Variants in CDH19 observed in about 807,000 individuals in gnomAD.
CDH19 encodes the protein cadherin 19.
A neutral mutation model predicts 64.2 loss-of-function variants in CDH19; 67 were observed. That is an observed-to-expected ratio of 1.04 (90% CI 0.86 to 1.28). The LOEUF is 1.28. Among genes scored for constraint, CDH19 ranks in the 50% most tolerant of loss-of-function variants. The probability of loss-of-function intolerance (pLI) is 0.00; values close to 1 mark genes in which losing one functional copy is unlikely to be tolerated. For missense variants in CDH19, 1,030 were observed against 929.0 expected, an observed-to-expected ratio of 1.11 and a Z score of -1.41; for synonymous variants, 346 against 319.3, an observed-to-expected ratio of 1.08 and a Z score of -0.89.
rs769856415 is a variant in CDH19, at chr18:66,509,164, G to T, written c.1659C>A (p.Ala553=). 6.2e-7 allele frequency: 1 copy of T among 1,612,714 alleles called. No homozygotes were observed. The highest frequency in any genetic ancestry group is 8.5e-7 in the Non-Finnish European group (1 of 1,179,138). The change falls in exon 11 of 12, where the codon GCC becomes GCA. Residue 553 remains alanine, a synonymous_variant. Coordinates refer to ENST00000262150, the MANE Select transcript of CDH19 (RefSeq NM_021153.4). ...TTGTAAGTGACGGGATTCCATTGTCGGCAATTAAGATGGAGATGTAGAAGA... is the reference window on the plus strand; with the variant it reads ...TTGTAAGTGACGGGATTCCATTGTCTGCAATTAAGATGGAGATGTAGAAGA... ...EPVFYISILI[A]DNGIPSLTST... is the part of the protein sequence containing the mutation.
intron 3 of CDH19, among the ~76,000 whole-genome samples, chr18:66,556,148 T>A (rs141368485): frequency 0.02 from 2,984 of 151,676 alleles, 106 homozygotes; most frequent in African/African-American, 0.068. Flanking sequence ...GCTTTTTCTA[T>A]AAAATAAATT....
At chr18:66,546,202 G>A (rs1163161363) in intron 5 of CDH19, among the ~76,000 whole-genome samples, 1 of 152,102 alleles carries the variant, frequency 6.6e-6, no homozygotes, top group African/African-American at 2.4e-5. Flanking sequence ...TCACTTCAAA[G>A]ATTGCATTTG....
chr18:66,517,588 T>C (rs1985793281), intron 9 of CDH19, among the ~76,000 whole-genome samples: 2 of 151,990 alleles, frequency 1.3e-5, no homozygotes, highest in South Asian at 2.1e-4. Context: ...GAGTAAATGT[T>C]TGGATTCCTC....
rs497894 is a variant in CDH19, at chr18:66,554,136, G to C, written c.610+269C>G. Among the ~76,000 whole-genome samples, 296 of 151,894 alleles carry C rather than the reference G, an allele frequency of 1.9e-3. 1 individual carries two copies. Among genetic ancestry groups the C allele is most frequent in the African/African-American group, 6.7e-3 (280 of 41,496 alleles). The stretch of plus-strand genomic sequence containing the variant: ...TTTCCCTATATTTTTAAATTGGGTT[G>C]CTGGTCTCTTTTTCTAATTCATTTA... On this transcript the variant is annotated intron_variant, in intron 4 of 11. Coordinates refer to ENST00000262150, the MANE Select transcript of CDH19 (RefSeq NM_021153.4).
intron 5 of CDH19, among the ~76,000 whole-genome samples, chr18:66,546,154 A>G (rs1194203039): frequency 6.6e-6 from 1 of 152,130 alleles, no homozygotes; most frequent in African/African-American, 2.4e-5. Context: ...TCTTCTTTAA[A>G]GGGATTCCTA....
chr18:66,531,427 A>G (rs1041963667), intron 8 of CDH19, among the ~76,000 whole-genome samples: 1 of 152,090 alleles, frequency 6.6e-6, no homozygotes, highest in Non-Finnish European at 1.5e-5. Flanking sequence ...GAGCAGCCTG[A>G]GCAATATAGT....
In CDH19 at chr18:66,502,836, TA is replaced by T. The variant is rs1263942457; in HGVS notation, c.*1975del. The T allele has an allele frequency of 2.0e-5, 3 of 152,056 alleles. No homozygotes were observed. 9.4% of individuals were successfully genotyped at this position (152,056 alleles called of 1,614,324 possible). On this transcript the variant is annotated 3_prime_UTR_variant, in exon 12 of 12. Coordinates refer to ENST00000262150, the MANE Select transcript of CDH19 (RefSeq NM_021153.4). ...CTCTCATCCACTTTTAATATCTTCC[TA>T]AATTATTTCACTTCAAATCTGGTTT...
intron 9 of CDH19, among the ~76,000 whole-genome samples, chr18:66,518,800 A>C (rs977016062): frequency 6.6e-5 from 10 of 152,174 alleles, no homozygotes; most frequent in African/African-American, 2.4e-4. Flanking sequence ...ATTATTAAGC[A>C]TAATTGTTTT....
intron 1 of CDH19, among the ~76,000 whole-genome samples, chr18:66,602,888 C>A (rs890096339): frequency 2.0e-4 from 30 of 151,150 alleles, no homozygotes; most frequent in Non-Finnish European, 4.0e-4. Context: ...TCTTTGAAAT[C>A]AAAAATTATA....
rs772008076 is a variant in CDH19 at position 66,544,766 on chromosome 18, T to C, written c.913A>G (p.Ile305Val). The change falls in exon 6 of 12, where the codon ATT becomes GTT. Residue 305 changes from isoleucine to valine, a missense_variant. Transcript: ENST00000262150. ...IEEDDSQTFD[I>V]ITNHETQEGI... ...TCTTGAGTTTCATGATTAGTAATAA[T>C]GTCAAATGTTTGCGAATCATCCTCT... 7 of 1,611,766 alleles carry C rather than the reference T, an allele frequency of 4.3e-6. No individual in the cohort carries two copies. The highest frequency in any genetic ancestry group is 4.0e-5 in the African/African-American group (3 of 74,900).
At chr18:66,584,061 A>G (rs1468804934) in intron 1 of CDH19, among the ~76,000 whole-genome samples, 1 of 152,114 alleles carries the variant, frequency 6.6e-6, no homozygotes, top group East Asian at 1.9e-4. Flanking sequence ...CAGACTAAAC[A>G]GGAAAACTAC....
chr18:66,572,584 T>C (rs1988140691), intron 1 of CDH19, among the ~76,000 whole-genome samples: 1 of 151,760 alleles, frequency 6.6e-6, no homozygotes, highest in African/African-American at 2.4e-5. Flanking sequence ...GGGAGTCTCC[T>C]GGATTGACAG....
At chr18:66,558,370 T>C (rs1225616675) in intron 3 of CDH19, among the ~76,000 whole-genome samples, 1 of 151,638 alleles carries the variant, frequency 6.6e-6, no homozygotes, top group Non-Finnish European at 1.5e-5. Context: ...TCTACTTTCT[T>C]TTCCCTCTTT....
At chr18:66,577,303 G>T (rs1311563928) in intron 1 of CDH19, among the ~76,000 whole-genome samples, 1 of 151,832 alleles carries the variant, frequency 6.6e-6, no homozygotes, top group Non-Finnish European at 1.5e-5. Context: ...TAAAAGAAGA[G>T]GAAATTTGGA....
intron 2 of CDH19, among the ~76,000 whole-genome samples, chr18:66,571,217 T>A (rs1988091946): frequency 6.6e-6 from 1 of 151,534 alleles, no homozygotes; most frequent in Non-Finnish European, 1.5e-5. Context: ...ATAACACAGG[T>A]GAAGTTCTAT....
intron 7 of CDH19, among the ~76,000 whole-genome samples, chr18:66,543,701 G>T (rs931929093): frequency 6.6e-6 from 1 of 151,944 alleles, no homozygotes; most frequent in African/African-American, 2.4e-5. Flanking sequence ...TGGACAATGT[G>T]ATGAAACCCC....
intron 3 of CDH19, among the ~76,000 whole-genome samples, chr18:66,561,835 T>C (rs2144549017): frequency 6.6e-6 from 1 of 152,242 alleles, no homozygotes. Flanking sequence ...ATTACTAATG[T>C]AATCTTGGGT....
At chr18:66,509,989 C>T (rs950208187) in intron 10 of CDH19, among the ~76,000 whole-genome samples, 1 of 151,756 alleles carries the variant, frequency 6.6e-6, no homozygotes, top group Non-Finnish European at 1.5e-5. Flanking sequence ...AAACAATAAG[C>T]ACTTCAACAA....
At chr18:66,518,134 G>A (rs1985818621) in intron 9 of CDH19, among the ~76,000 whole-genome samples, 1 of 151,732 alleles carries the variant, frequency 6.6e-6, no homozygotes, top group South Asian at 2.1e-4. Flanking sequence ...ATCGATTGAG[G>A]ACTATAATAT....
Sources: allele counts gnomAD v4.1 joint callset (sites outside exome capture counted in the v4.1 genomes callset), GRCh38; gene constraint gnomAD v4.1.1; transcripts MANE v1.5; gene names NCBI Gene and HGNC (gene_info 2026-07-23, HGNC 2026-07-21).